KIAA0825: variants seen among roughly 807,000 people sequenced by gnomAD.
KIAA0825 encodes KIAA0825.
Under a neutral mutation model 147.6 loss-of-function variants are expected in KIAA0825, and 119 were observed. That is an observed-to-expected ratio of 0.81 (90% CI 0.69 to 0.94). The LOEUF (loss-of-function observed/expected upper bound fraction) is 0.94, where lower values mean the gene tolerates loss of function less well. Among genes scored for constraint, KIAA0825 ranks in the 40% least tolerant of loss-of-function variants. KIAA0825 has a pLI of 0.00. For missense variants in KIAA0825, 1,381 were observed against 1,472.7 expected, an observed-to-expected ratio of 0.94 and a Z score of 1.02; for synonymous variants, 470 against 518.1, an observed-to-expected ratio of 0.91 and a Z score of 1.26.
At chr5:94,329,748 C>G (rs974588058) in intron 20 of KIAA0825, among the ~76,000 whole-genome samples, 1 of 152,046 alleles carries the variant, frequency 6.6e-6, no homozygotes, top group Non-Finnish European at 1.5e-5. Flanking sequence ...TTTCCCTCCC[C>G]CCCTTTTTTT....
chr5:94,399,586 G>A (rs1343824635), intron 16 of KIAA0825, among the ~76,000 whole-genome samples: 1 of 151,972 alleles, frequency 6.6e-6, no homozygotes, highest in Non-Finnish European at 1.5e-5. Context: ...CAACACACCA[G>A]GGAAGGATCT....
chr5:94,534,862 C>CTA (rs1436348172), intron 3 of KIAA0825, among the ~76,000 whole-genome samples: 2 of 152,172 alleles, frequency 1.3e-5, no homozygotes, highest in African/African-American at 4.8e-5. Context: ...ATTTTTAAAA[C>CTA]TATAACCATC....
intron 20 of KIAA0825, among the ~76,000 whole-genome samples, chr5:94,312,531 G>A (rs959944695): frequency 2.6e-5 from 4 of 151,726 alleles, no homozygotes; most frequent in South Asian, 4.1e-4. Flanking sequence ...ATGATCCACA[G>A]AAGACTTCTT....
At chr5:94,310,683 T>C (rs1051031241) in intron 20 of KIAA0825, among the ~76,000 whole-genome samples, 6 of 151,678 alleles carry the variant, frequency 4.0e-5, no homozygotes, top group Non-Finnish European at 7.4e-5. Context: ...TAAAGCTATC[T>C]GCAGGAATGA....
At chr5:94,253,132 A>T (rs1219677417) in intron 20 of KIAA0825, among the ~76,000 whole-genome samples, 1 of 152,176 alleles carries the variant, frequency 6.6e-6, no homozygotes, top group Admixed American at 6.6e-5. Context: ...AATGCTAATA[A>T]AATACAACTT....
chr5:94,533,647 C>A (rs1269359276), intron 3 of KIAA0825, among the ~76,000 whole-genome samples: 1 of 152,184 alleles, frequency 6.6e-6, no homozygotes, highest in Non-Finnish European at 1.5e-5. Context: ...AAGTACCACT[C>A]AGTTCATTAG....
chr5:94,306,186 A>G lies in KIAA0825; in HGVS notation c.3710+78182T>C, dbSNP rs576136265. On this transcript the variant is annotated intron_variant, in intron 20 of 20. Transcript: ENST00000682413. ...ATATGTCGACTCATATTTAGAGAAA[A>G]AAAAGGGGGAATGTGAAATCTAATT... 5.9e-5 allele frequency among the ~76,000 whole-genome samples: 9 copies of G among 152,036 alleles called. No homozygotes were observed. The South Asian group carries it at 1.9e-3, about 32-fold the overall frequency.
At chr5:94,241,229 C>A (rs764993133) in intron 20 of KIAA0825, among the ~76,000 whole-genome samples, 6 of 152,172 alleles carry the variant, frequency 3.9e-5, no homozygotes, top group African/African-American at 1.4e-4. Flanking sequence ...AAAAAAAGAA[C>A]CAGCAAAGTG....
intron 1 of KIAA0825, among the ~76,000 whole-genome samples, chr5:94,617,531 A>G (rs540714562): frequency 1.3e-5 from 2 of 151,720 alleles, no homozygotes; most frequent in South Asian, 2.1e-4. Context: ...GAGCATACCC[A>G]TAAAAAAAAT....
At chr5:94,168,524 T>C (rs1216319820) in intron 20 of KIAA0825, among the ~76,000 whole-genome samples, 1 of 152,220 alleles carries the variant, frequency 6.6e-6, no homozygotes, top group Non-Finnish European at 1.5e-5. Context: ...TAAATAGTTA[T>C]GGCTTAGGGA....
chr5:94,218,627 G>A (rs1773406345), intron 20 of KIAA0825, among the ~76,000 whole-genome samples: 1 of 152,168 alleles, frequency 6.6e-6, no homozygotes, highest in Admixed American at 6.5e-5. Context: ...TGAGGAAAAG[G>A]GAGATTGCCA....
rs1766649090 is a variant in KIAA0825, at chr5:94,152,856, T to TATATATATATATA, written c.*1150_*1151insTATATATATATAT. 3.6e-4 allele frequency: 1 copy of TATATATATATATA among 2,774 alleles called. No individual in the cohort carries two copies. Among genetic ancestry groups the TATATATATATATA allele is most frequent in the African/African-American group, 1.1e-3 (1 of 952 alleles). The allele number at this position is 2,774 out of a possible 1,614,324, so 0.2% of individuals were successfully genotyped here. A position where few individuals can be genotyped will look rare whatever the true frequency, so the allele number is the denominator to read the frequency against. The stretch of plus-strand genomic sequence containing the variant: ...AAAAAAAAAAAAAAAAAAAAAAAAA[T>TATATATATATATA]TATATATATATATATATATATATAT... On this transcript the variant is annotated 3_prime_UTR_variant, in exon 21 of 21. Transcript: ENST00000682413.
chr5:94,451,445 T>C (rs965963993), intron 13 of KIAA0825, among the ~76,000 whole-genome samples: 5 of 152,258 alleles, frequency 3.3e-5, no homozygotes, highest in African/African-American at 1.2e-4. Flanking sequence ...TTTAAGTTTT[T>C]AATACGTATT....
chr5:94,536,885 A>G (rs983634058), intron 3 of KIAA0825, 111 bp downstream of exon 3: 9 of 692,236 alleles, frequency 1.3e-5, no homozygotes, highest in Non-Finnish European at 2.1e-5. Flanking sequence ...GGGGAAAGTT[A>G]ATGATAATTA....
chr5:94,422,517 G>A (rs1397921587), intron 14 of KIAA0825, among the ~76,000 whole-genome samples: 1 of 152,056 alleles, frequency 6.6e-6, no homozygotes, highest in Non-Finnish European at 1.5e-5. Flanking sequence ...ACATTAGTAT[G>A]CTTTTTTCTA....
intron 2 of KIAA0825, among the ~76,000 whole-genome samples, chr5:94,573,577 T>C (rs1436818039): frequency 6.6e-6 from 1 of 152,168 alleles, no homozygotes. Flanking sequence ...CAGCCTCTTT[T>C]GGAAATTTTA....
intron 20 of KIAA0825, among the ~76,000 whole-genome samples, chr5:94,368,406 C>G (rs1321356952): frequency 1.3e-5 from 2 of 152,100 alleles, no homozygotes; most frequent in Non-Finnish European, 2.9e-5. Context: ...CTCCTAGGCT[C>G]AAGGGATCCA....
intron 20 of KIAA0825, among the ~76,000 whole-genome samples, chr5:94,295,594 G>C (rs1778098799): frequency 6.6e-6 from 1 of 152,198 alleles, no homozygotes; most frequent in African/African-American, 2.4e-5. Context: ...GTGATCTTCA[G>C]ATGGGGTTTC....
At chr5:94,390,797 T>C (rs1372397012) in intron 18 of KIAA0825, among the ~76,000 whole-genome samples, 1 of 152,234 alleles carries the variant, frequency 6.6e-6, no homozygotes, top group Non-Finnish European at 1.5e-5. Flanking sequence ...TAAAACACTA[T>C]ATATTCACAT....
Sources: allele counts gnomAD v4.1 joint callset (sites outside exome capture counted in the v4.1 genomes callset), GRCh38; gene constraint gnomAD v4.1.1; transcripts MANE v1.5; gene names NCBI Gene and HGNC (gene_info 2026-07-23, HGNC 2026-07-21).